SOD2: variants seen among roughly 807,000 people sequenced by gnomAD.
The protein encoded by SOD2 is superoxide dismutase [Mn], mitochondrial.
In SOD2, 11 loss-of-function variants were observed where a neutral mutation model predicts 27.0. The ratio of observed to expected loss-of-function variants is 0.41; its 90% confidence interval spans 0.26 to 0.67. The LOEUF is 0.67. SOD2 is among the 30% of genes least tolerant of loss of function. The probability of loss-of-function intolerance (pLI) is 0.34; values close to 1 mark genes in which losing one functional copy is unlikely to be tolerated. For missense variants in SOD2, 250 were observed against 274.5 expected (o/e 0.91, Z 0.63); for synonymous variants, 105 against 103.0 (o/e 1.02, Z -0.12).
chr6:159,721,305 G>T (rs1778035964), intron 1 of SOD2, among the ~76,000 whole-genome samples: 1 of 151,964 alleles, frequency 6.6e-6, no homozygotes, highest in East Asian at 1.9e-4. Flanking sequence ...CTGACCTCGT[G>T]ATCTGCCCGC....
chr6:159,742,045 CTATT>C (rs891213892), intron 1 of SOD2: 1 of 1,371,224 alleles, frequency 7.3e-7, no homozygotes, highest in Non-Finnish European at 1.0e-6. Flanking sequence ...ATTTAATAAA[CTATT>C]TTATCGTAAC....
At chr6:159,726,878 C>G (rs1407121696) in intron 1 of SOD2, 1 of 1,289,208 alleles carries the variant, frequency 7.8e-7, no homozygotes, top group East Asian at 5.5e-5. Flanking sequence ...AGAGTAAACG[C>G]CCGCGGCTCG....
At position 159,713,062 on chromosome 6, in the gene SOD2, G is replaced by A. The variant is rs886795707; in HGVS notation, c.-116+14067C>T. On this transcript the variant is annotated intron_variant, in intron 1 of 2. Transcript: ENST00000401980. ...CCAATTTCAATATGTACTCTCATGA[G>A]GTTAAGAGGTGAATAGAAATTATAA... 6.8e-5 allele frequency: 45 copies of A among 658,070 alleles called. No individual in the cohort carries two copies. The Admixed American group carries it at 1.2e-3, about 17-fold the overall frequency. The allele number at this position is 658,070 out of a possible 1,614,324, so 40.8% of individuals were successfully genotyped here.
At chr6:159,759,735 G>C (rs1780085059) in intron 1 of SOD2, among the ~76,000 whole-genome samples, 1 of 151,880 alleles carries the variant, frequency 6.6e-6, no homozygotes, top group Non-Finnish European at 1.5e-5. Flanking sequence ...TGTCTCATAT[G>C]AGTAGATAAT....
At chr6:159,707,543 T>G (rs139926855) in intron 1 of SOD2, among the ~76,000 whole-genome samples, 59,427 of 151,958 alleles carry the variant, frequency 0.39, 13,001 homozygotes, top group Admixed American at 0.5. Flanking sequence ...CCAGGACACA[T>G]ACACCCTCCC....
At chr6:159,712,890 A>G in intron 1 of SOD2, 1 of 638,816 alleles carries the variant, frequency 1.6e-6, no homozygotes, top group Non-Finnish European at 2.9e-6. Context: ...GTGTGTTCAT[A>G]AACCCCCCTA....
At chr6:159,749,507 C>G (rs1184490394), upstream of SOD2, 9 of 909,614 alleles carry the variant, frequency 9.9e-6, no homozygotes, top group Non-Finnish European at 1.2e-5. Flanking sequence ...GCGGGGAGGG[C>G]CTGTTGAGAG....
chr6:159,695,160 T>C (rs1461489892), upstream of SOD2, among the ~76,000 whole-genome samples: 1 of 152,080 alleles, frequency 6.6e-6, no homozygotes, highest in Non-Finnish European at 1.5e-5. Context: ...GAAGGATGAA[T>C]CCACAGGATT....
At chr6:159,691,139 T>C (rs1777173350) in intron 2 of SOD2, 1 of 152,222 alleles carries the variant, frequency 6.6e-6, no homozygotes, top group Admixed American at 6.5e-5. Flanking sequence ...TAAGTAAGGC[T>C]CTGATTCCAC....
At chr6:159,710,607 G>A (rs1777716190) in intron 1 of SOD2, among the ~76,000 whole-genome samples, 1 of 152,082 alleles carries the variant, frequency 6.6e-6, no homozygotes, top group Non-Finnish European at 1.5e-5. Context: ...TAGCTCTTTA[G>A]TGCTCCTTCT....
rs751856400 is a variant in SOD2 at position 159,692,898 on chromosome 6, G to C, written c.24-35C>G. The C allele has an allele frequency of 3.3e-5, 51 of 1,530,854 alleles. No individual in the cohort carries two copies. In the African/African-American group the frequency reaches 6.0e-4, roughly 18 times the overall value. 94.8% of individuals were successfully genotyped at this position (1,530,854 alleles called of 1,614,324 possible). On this transcript the variant is annotated intron_variant, in intron 1 of 4. Coordinates refer to ENST00000538183, the MANE Select transcript of SOD2 (RefSeq NM_000636.4). ...AGAAAGCACAGCCCGGTCAGTCAGC[G>C]CCGCGGGACCGTCTACGCAGGCTGG...
intron 1 of SOD2, among the ~76,000 whole-genome samples, chr6:159,735,076 T>G (rs1318736925): frequency 1.3e-5 from 2 of 152,200 alleles, no homozygotes; most frequent in East Asian, 3.9e-4. Flanking sequence ...ATACAAAATA[T>G]TTGGCATAAA....
At chr6:159,742,455 T>C (rs1383260525) in intron 1 of SOD2, among the ~76,000 whole-genome samples, 3 of 152,180 alleles carry the variant, frequency 2.0e-5, no homozygotes, top group Non-Finnish European at 4.4e-5. Context: ...TAACCCCTTC[T>C]GCATAGGAAT....
chr6:159,721,196 T>C (rs1015437256), intron 1 of SOD2, among the ~76,000 whole-genome samples: 1 of 151,380 alleles, frequency 6.6e-6, no homozygotes, highest in Non-Finnish European at 1.5e-5. Context: ...GCCTCCCGAG[T>C]AGCTGGGACC....
chr6:159,692,407 A>G, intron 2 of SOD2: 2 of 1,392,790 alleles, frequency 1.4e-6, no homozygotes, highest in Non-Finnish European at 1.9e-6. Flanking sequence ...GTGGCTCACA[A>G]CAGTAAGGCA....
rs552691754 is a variant in SOD2 at position 159,735,683 on chromosome 6, A to T, written c.-116+9447T>A. 4.9e-4 allele frequency among the ~76,000 whole-genome samples: 74 copies of T among 152,194 alleles called. No individual in the cohort carries two copies. In the East Asian group the frequency reaches 7.7e-3, roughly 16 times the overall value. On this transcript the variant is annotated intron_variant, in intron 1 of 3. Coordinates refer to the SOD2 transcript ENST00000537657. ...AGAATTGCTTGAACCCTGGAGGCGG[A>T]GGTTGCAGTGACCTGAGATCGCGCC... is the stretch of plus-strand genomic sequence containing the variant.
intron 1 of SOD2, chr6:159,755,017 C>T: frequency 1.9e-6 from 3 of 1,599,150 alleles, no homozygotes; most frequent in East Asian, 2.2e-5. Context: ...GTCTGACTCT[C>T]CTTTGCACAG....
In SOD2 at chr6:159,751,155, AT is replaced by A. The variant is rs1779805892; in HGVS notation, c.-335-2480del. ...AAAAACAACTACTTGTAATTAAATTATTTTTTCAAAACTGTGATTTTGTTAA... is the reference window on the plus strand; with the variant it reads ...AAAAACAACTACTTGTAATTAAATTATTTTTCAAAACTGTGATTTTGTTAA... On this transcript the variant is annotated intron_variant, in intron 1 of 7. Transcript: ENST00000546087. Among the ~76,000 whole-genome samples, 3 of 152,164 alleles carry A rather than the reference AT, an allele frequency of 2.0e-5. No individual in the cohort carries two copies. In the South Asian group the frequency reaches 6.2e-4, roughly 32 times the overall value.
chr6:159,693,201 G>C lies in SOD2; in HGVS notation c.-34C>G. The C allele has an allele frequency of 6.6e-7, 1 of 1,515,478 alleles. No homozygotes were observed. The highest frequency in any genetic ancestry group is 8.9e-7 in the Non-Finnish European group (1 of 1,129,364). 93.9% of individuals were successfully genotyped at this position (1,515,478 alleles called of 1,614,324 possible). On this transcript the variant is annotated 5_prime_UTR_variant, in exon 1 of 5. The change creates a new upstream start codon in the 5' untranslated region. Transcript: ENST00000538183. ...TGCTGGTGCTACCGCTGATGCCGCC[G>C]ATCTGCTGAAGCCGCTGCCGAAGCC...
Sources: allele counts gnomAD v4.1 joint callset (sites outside exome capture counted in the v4.1 genomes callset), GRCh38; gene constraint gnomAD v4.1.1; transcripts MANE v1.5; gene names NCBI Gene and HGNC (gene_info 2026-07-23, HGNC 2026-07-21).